Variants in FMN2 observed in about 807,000 individuals in gnomAD.
FMN2 encodes the protein formin 2, also known as formin-2.
A neutral mutation model predicts 142.3 loss-of-function variants in FMN2; 51 were observed. The observed-to-expected ratio is 0.36, with a 90% CI of 0.29 to 0.45. FMN2 has a LOEUF of 0.45. Ranked by LOEUF, FMN2 falls within the 20% of genes least tolerant of loss-of-function variation. The pLI, the probability that FMN2 is intolerant of heterozygous loss-of-function variation, is 1.00. For missense variants in FMN2, 1,936 were observed against 2,122.8 expected, an observed-to-expected ratio of 0.91 and a Z score of 1.73; for synonymous variants, 882 against 869.8, an observed-to-expected ratio of 1.01 and a Z score of -0.25.
At chr1:240,460,836 G>A (rs906617106) in intron 16 of FMN2, among the ~76,000 whole-genome samples, 1 of 151,990 alleles carries the variant, frequency 6.6e-6, no homozygotes, top group Non-Finnish European at 1.5e-5. Flanking sequence ...CCAAACAGAG[G>A]TTTTCAACAT....
At chr1:240,420,910 G>A (rs1456869930) in intron 15 of FMN2, among the ~76,000 whole-genome samples, 1 of 152,180 alleles carries the variant, frequency 6.6e-6, no homozygotes. Flanking sequence ...TGGAAAAACA[G>A]GAAGGGAGCC....
intron 15 of FMN2, among the ~76,000 whole-genome samples, chr1:240,430,486 A>G (rs1675125993): frequency 6.6e-6 from 1 of 151,910 alleles, no homozygotes; most frequent in South Asian, 2.1e-4. Flanking sequence ...AATGAAAGGA[A>G]TTTTTACTTT....
chr1:240,391,101 A>G (rs567091333), intron 14 of FMN2, among the ~76,000 whole-genome samples: 2 of 152,352 alleles, frequency 1.3e-5, no homozygotes, highest in East Asian at 3.8e-4. Context: ...TTTTCAAAGT[A>G]AAATCATAGG....
intron 6 of FMN2, chr1:240,245,306 G>A: frequency 2.8e-6 from 1 of 356,668 alleles, no homozygotes; most frequent in South Asian, 2.1e-5. Context: ...ATGCTGGGCT[G>A]AGAGCAGGAC....
At chr1:240,471,452 T>G (rs1050029784) in intron 16 of FMN2, among the ~76,000 whole-genome samples, 2 of 151,330 alleles carry the variant, frequency 1.3e-5, no homozygotes, top group African/African-American at 2.4e-5. Flanking sequence ...CTCGGCTCAC[T>G]GCAAGCTCAG....
chr1:240,111,952 G>A (rs965582987), intron 1 of FMN2, among the ~76,000 whole-genome samples: 1 of 152,088 alleles, frequency 6.6e-6, no homozygotes, highest in African/African-American at 2.4e-5. Context: ...CAGAAAATAA[G>A]GAACACTTTC....
chr1:240,238,016 T>G (rs1464101705), intron 6 of FMN2, among the ~76,000 whole-genome samples: 2 of 152,254 alleles, frequency 1.3e-5, no homozygotes, highest in Non-Finnish European at 2.9e-5. Flanking sequence ...TTTGTTTCTA[T>G]GAACACATTG....
At chr1:240,098,904 C>T (rs908547881) in intron 1 of FMN2, among the ~76,000 whole-genome samples, 3 of 152,112 alleles carry the variant, frequency 2.0e-5, no homozygotes, top group African/African-American at 7.2e-5. Flanking sequence ...AGTGCTTTTC[C>T]TTCTGATTCT....
chr1:240,284,022 G>C (rs1669501371), intron 7 of FMN2, among the ~76,000 whole-genome samples: 1 of 152,048 alleles, frequency 6.6e-6, no homozygotes, highest in Non-Finnish European at 1.5e-5. Context: ...AGTGATGGCT[G>C]GTACAGTAGC....
chr1:240,096,229 T>A (rs1029811731), intron 1 of FMN2, among the ~76,000 whole-genome samples: 1 of 152,202 alleles, frequency 6.6e-6, no homozygotes, highest in African/African-American at 2.4e-5. Flanking sequence ...TAAGGCCATA[T>A]AGAGAGTAAA....
intron 6 of FMN2, among the ~76,000 whole-genome samples, chr1:240,246,944 T>C (rs1668102441): frequency 6.6e-6 from 1 of 152,188 alleles, no homozygotes; most frequent in African/African-American, 2.4e-5. Flanking sequence ...CTCCTCTTCA[T>C]TGTATTGTGG....
At chr1:240,404,402 G>A (rs1358139713) in intron 15 of FMN2, among the ~76,000 whole-genome samples, 1 of 152,216 alleles carries the variant, frequency 6.6e-6, no homozygotes, top group Non-Finnish European at 1.5e-5. Context: ...GGCTTAGGCT[G>A]GCCGACCAGG....
At chr1:240,312,643 C>T (rs1670636109) in intron 8 of FMN2, among the ~76,000 whole-genome samples, 1 of 152,080 alleles carries the variant, frequency 6.6e-6, no homozygotes, top group South Asian at 2.1e-4. Context: ...AATACCAGGG[C>T]TTTGATCATG....
intron 1 of FMN2, among the ~76,000 whole-genome samples, chr1:240,099,033 A>G (rs1661318430): frequency 6.6e-6 from 1 of 152,212 alleles, no homozygotes; most frequent in Non-Finnish European, 1.5e-5. Context: ...AGTCTCCAGT[A>G]ATTTTTCCTC....
chr1:240,349,741 A>G (rs1298826353), intron 13 of FMN2, among the ~76,000 whole-genome samples: 1 of 152,212 alleles, frequency 6.6e-6, no homozygotes, highest in Non-Finnish European at 1.5e-5. Flanking sequence ...GCCCTTCAAC[A>G]TGATATAAAA....
chr1:240,465,328 CTCTGTGTGTG>C (rs1281201102), intron 16 of FMN2, among the ~76,000 whole-genome samples: 3 of 128,712 alleles, frequency 2.3e-5, no homozygotes, highest in Non-Finnish European at 3.2e-5. Flanking sequence ...TTATGCCTCC[CTCTGTGTGTG>C]TGTGTGTGTG....
intron 7 of FMN2, among the ~76,000 whole-genome samples, chr1:240,286,102 TG>T (rs1379241671): frequency 6.6e-6 from 1 of 152,146 alleles, no homozygotes; most frequent in Non-Finnish European, 1.5e-5. Context: ...CTTTATCTTT[TG>T]GTCTTTTTTC....
intron 4 of FMN2, among the ~76,000 whole-genome samples, chr1:240,188,986 G>A (rs1665593837): frequency 6.6e-6 from 1 of 152,052 alleles, no homozygotes; most frequent in South Asian, 2.1e-4. Flanking sequence ...GCATGGGAAA[G>A]ATCAGCCCCC....
At chr1:240,289,486 A>G (rs887744478) in intron 7 of FMN2, among the ~76,000 whole-genome samples, 6 of 152,064 alleles carry the variant, frequency 3.9e-5, no homozygotes, top group African/African-American at 7.2e-5. Flanking sequence ...TGGGCAACAT[A>G]GCAAGACCTT....
Sources: allele counts gnomAD v4.1 joint callset (sites outside exome capture counted in the v4.1 genomes callset), GRCh38; gene constraint gnomAD v4.1.1; transcripts MANE v1.5; gene names NCBI Gene and HGNC (gene_info 2026-07-23, HGNC 2026-07-21).